Variants in CCDC157 observed in about 807,000 individuals in gnomAD.
CCDC157 encodes the protein coiled-coil domain-containing protein 157.
A neutral mutation model predicts 70.9 loss-of-function variants in CCDC157; 60 were observed. That is an observed-to-expected ratio of 0.85 (90% CI 0.69 to 1.05). The LOEUF is 1.05. Among genes scored for constraint, CCDC157 ranks in the 50% least tolerant of loss-of-function variants. The pLI is 0.00. For missense variants in CCDC157, 943 were observed against 984.2 expected, an observed-to-expected ratio of 0.96 and a Z score of 0.56; for synonymous variants, 373 against 422.4, an observed-to-expected ratio of 0.88 and a Z score of 1.43.
intron 10 of CCDC157, chr22:30,375,915 C>T (rs774841137): frequency 2.5e-5 from 14 of 552,612 alleles, no homozygotes; most frequent in Non-Finnish European, 4.4e-5. Context: ...AGGCCGGGTG[C>T]GGCGGCTCAT....
chr22:30,356,706 G>C, upstream of CCDC157: 2 of 1,473,844 alleles, frequency 1.4e-6, no homozygotes, highest in South Asian at 1.3e-5. Context: ...TCCGGCTGCA[G>C]GCTGAGGGGC....
At chr22:30,363,156 G>A (rs1199761771) in intron 2 of CCDC157, among the ~76,000 whole-genome samples, 4 of 152,216 alleles carry the variant, frequency 2.6e-5, no homozygotes, top group Non-Finnish European at 5.9e-5. Flanking sequence ...AGCCCTGCTG[G>A]AGGGTGATAA....
In CCDC157 at chr22:30,377,014, AG is replaced by A; in HGVS notation, c.*272del. Reference sequence around the variant, plus strand: ...GGCTGTGGGATAGGAGAGTACACCCAGGGCAGAGGAAGCTCCTAAGACCTGG... The same window carrying A: ...GGCTGTGGGATAGGAGAGTACACCCAGGCAGAGGAAGCTCCTAAGACCTGG... On this transcript the variant is annotated 3_prime_UTR_variant, in exon 12 of 12. Transcript: ENST00000338306. 1.9e-6 allele frequency: 1 copy of A among 534,670 alleles called. No homozygotes were observed. Among genetic ancestry groups the A allele is most frequent in the Non-Finnish European group, 3.4e-6 (1 of 297,764 alleles). The allele number at this position is 534,670 out of a possible 1,614,324, so 33.1% of individuals were successfully genotyped here.
At position 30,376,555 on chromosome 22, in the gene CCDC157, C is replaced by T. The variant is rs755504502; in HGVS notation, c.2069C>T (p.Pro690Leu). ...CCTCGGCAGCCCTGCACATCCCCACCTCGGCAGCCCTGCACATCCCCATCT... is the reference window on the plus strand; with the variant it reads ...CCTCGGCAGCCCTGCACATCCCCACTTCGGCAGCCCTGCACATCCCCATCT... ...SPPRQPCTSP[P>L]RQPCTSPSRQ... The change falls in exon 12 of 12, where the codon CCT becomes CTT. Residue 690 changes from proline to leucine, a missense_variant. By Grantham distance (98) the Pro-to-Leu change is moderately conservative. Transcript: ENST00000338306. 1.9e-6 allele frequency: 3 copies of T among 1,613,184 alleles called. No individual in the cohort carries two copies. The East Asian group carries it at 6.7e-5, about 36-fold the overall frequency.
intron 5 of CCDC157, chr22:30,371,159 A>G (rs1269774667): frequency 1.6e-6 from 1 of 642,864 alleles, no homozygotes; most frequent in Non-Finnish European, 2.6e-6. Context: ...TGGGGCCACC[A>G]GGAGCTGGGC....
intron 1 of CCDC157, among the ~76,000 whole-genome samples, chr22:30,360,019 C>A (rs1037643018): frequency 6.6e-6 from 1 of 152,196 alleles, no homozygotes; most frequent in African/African-American, 2.4e-5. Context: ...GTGGCACCCA[C>A]CTGTAGTCCT....
In CCDC157 at chr22:30,378,236, T is replaced by A; in HGVS notation, c.*1491T>A. The A allele has an allele frequency of 4.3e-6, 2 of 465,158 alleles. No individual in the cohort carries two copies. The highest frequency in any genetic ancestry group is 4.5e-6 in the Non-Finnish European group (1 of 223,370). The allele number at this position is 465,158 out of a possible 1,614,324, so 28.8% of individuals were successfully genotyped here. A position where few individuals can be genotyped will look rare whatever the true frequency, so the allele number is the denominator to read the frequency against. The stretch of plus-strand genomic sequence containing the variant: ...CCTCTTCTACCAGCAGAAAACTACT[T>A]TGAATAGGCTCATGTGGTTAGGGCA... On this transcript the variant is annotated 3_prime_UTR_variant, in exon 12 of 12. Transcript: ENST00000338306.
At chr22:30,361,757 CA>C (rs1932365033) in intron 1 of CCDC157, among the ~76,000 whole-genome samples, 1 of 152,176 alleles carries the variant, frequency 6.6e-6, no homozygotes, top group African/African-American at 2.4e-5. Flanking sequence ...AGGGAAGTGG[CA>C]CACAGTAGGT....
rs929443805 is a variant in CCDC157 at position 30,375,279 on chromosome 22, T to C, written c.1673-200T>C. 4 of 562,500 alleles carry C rather than the reference T, an allele frequency of 7.1e-6. No individual in the cohort carries two copies. In the African/African-American group the frequency reaches 7.6e-5, roughly 11 times the overall value. The allele number at this position is 562,500 out of a possible 1,614,324, so 34.8% of individuals were successfully genotyped here. ...GCCTTGCTAAGTCTTTTGAGAGCTC[T>C]AGGTCCCACCCAGCTCTCAGATTTT... On this transcript the variant is annotated intron_variant, in intron 9 of 11. Coordinates refer to ENST00000338306, the MANE Select transcript of CCDC157 (RefSeq NM_001017437.5).
chr22:30,374,172 G>A, intron 9 of CCDC157, 81 bp downstream of exon 9: 1 of 1,477,166 alleles, frequency 6.8e-7, no homozygotes, highest in Non-Finnish European at 9.2e-7. Context: ...GGACACTGGG[G>A]ACTGCAGCTC....
chr22:30,378,199 C>T lies in CCDC157; in HGVS notation c.*1454C>T, dbSNP rs555754216. 6.4e-6 allele frequency: 3 copies of T among 470,226 alleles called. No individual in the cohort carries two copies. Among genetic ancestry groups the T allele is most frequent in the Non-Finnish European group, 8.8e-6 (2 of 226,412 alleles). 29.1% of individuals were successfully genotyped at this position (470,226 alleles called of 1,614,324 possible). On this transcript the variant is annotated 3_prime_UTR_variant, in exon 12 of 12. Transcript: ENST00000338306. ...GCTGAATCCCCCACATGCTTCAAAT[C>T]CCTGACTTCCTCCTCTTCTACCAGC... is the stretch of plus-strand genomic sequence containing the variant.
At chr22:30,362,782 G>A (rs1342666947) in intron 2 of CCDC157, among the ~76,000 whole-genome samples, 3 of 152,190 alleles carry the variant, frequency 2.0e-5, no homozygotes, top group African/African-American at 7.2e-5. Flanking sequence ...TGGGTCCTGG[G>A]ACATGGGGGT....
Position 30,370,854 on chromosome 22 carries a change from G to A in CCDC157, c.949G>A (p.Ala317Thr), listed in dbSNP as rs1569189218. 6.2e-7 allele frequency: 1 copy of A among 1,612,566 alleles called. No homozygotes were observed. The change falls in exon 5 of 12, where the codon GCG becomes ACG. Residue 317 changes from alanine (A) to threonine (T), a missense_variant. Coordinates refer to ENST00000338306, the MANE Select transcript of CCDC157 (RefSeq NM_001017437.5). ...LRKQAGKLEQ[A>T]LKQEQGARRR... The stretch of plus-strand genomic sequence containing the variant: ...GAAGCAGGCGGGCAAGCTGGAGCAG[G>A]CGCTGAAACAGGAGCAGGGGGCACG...
In CCDC157 at chr22:30,370,433, A is replaced by T; in HGVS notation, c.528A>T (p.Pro176=). The change falls in exon 5 of 12, where the codon CCA becomes CCT. Residue 176 remains proline (P), a synonymous_variant. Coordinates refer to ENST00000338306, the MANE Select transcript of CCDC157 (RefSeq NM_001017437.5). ...LTTKLIKPSS[P]VLGLPQTCQE... is the part of the protein sequence containing the mutation. ...CCAAGTTAATCAAGCCCTCCTCCCC[A>T]GTGCTAGGCTTGCCCCAGACCTGCC... 3 of 1,614,078 alleles carry T rather than the reference A, an allele frequency of 1.9e-6. No homozygotes were observed. Among genetic ancestry groups the T allele is most frequent in the Non-Finnish European group, 1.7e-6 (2 of 1,180,018 alleles).
At chr22:30,362,308 C>T (rs903710762) in intron 2 of CCDC157, among the ~76,000 whole-genome samples, 194 bp downstream of exon 2, 13 of 152,302 alleles carry the variant, frequency 8.5e-5, no homozygotes, top group African/African-American at 3.1e-4. Context: ...TCCATTCTGG[C>T]GGTGGTGTAT....
In CCDC157 at chr22:30,377,912, G is replaced by A. The variant is rs979616672; in HGVS notation, c.*1167G>A. 27 of 349,650 alleles carry A rather than the reference G, an allele frequency of 7.7e-5. No homozygotes were observed. The highest frequency in any genetic ancestry group is 5.8e-4 in the African/African-American group (27 of 46,660). 21.7% of individuals were successfully genotyped at this position (349,650 alleles called of 1,614,324 possible). A position where few individuals can be genotyped will look rare whatever the true frequency, so the allele number is the denominator to read the frequency against. ...TCAGAAGTCCAGGTTCTGTGTGGCT[G>A]GGTTTTTTTGCTCCGGGTCCCAGAG... On this transcript the variant is annotated 3_prime_UTR_variant, in exon 12 of 12. Transcript: ENST00000338306.
intron 8 of CCDC157, 42 bp from the exon 9 acceptor site, chr22:30,373,881 T>A: frequency 6.3e-7 from 1 of 1,580,068 alleles, no homozygotes; most frequent in Non-Finnish European, 8.6e-7. Flanking sequence ...GAGTACCATG[T>A]AGCTCACTCA....
chr22:30,371,383 A>C (rs1932932156), intron 5 of CCDC157: 2 of 537,966 alleles, frequency 3.7e-6, no homozygotes, highest in African/African-American at 3.8e-5. Flanking sequence ...GGCCTGAGGG[A>C]TTTGCCCTTT....
At chr22:30,361,604 G>A (rs1932355667) in intron 1 of CCDC157, among the ~76,000 whole-genome samples, 1 of 152,176 alleles carries the variant, frequency 6.6e-6, no homozygotes, top group Non-Finnish European at 1.5e-5. Context: ...GTGGCTTATA[G>A]TATATTTCTT....
Sources: gnomAD v4.1 joint callset for allele counts (sites outside exome capture counted in the v4.1 genomes callset) on GRCh38, gnomAD v4.1.1 for gene constraint, MANE v1.5 for transcripts, NCBI Gene and HGNC (gene_info 2026-07-23, HGNC 2026-07-21) for gene names.